Variants in DST observed in about 807,000 individuals in gnomAD.
The protein encoded by DST is dystonin.
DST carries 253 observed loss-of-function variants against 875.2 expected under a neutral mutation model. The ratio of observed to expected loss-of-function variants is 0.29; its 90% confidence interval spans 0.26 to 0.32. The LOEUF (loss-of-function observed/expected upper bound fraction) is 0.32. Ranked by LOEUF, DST falls within the 10% of genes least tolerant of loss-of-function variation. The probability of loss-of-function intolerance (pLI) is 1.00; values close to 1 mark genes in which losing one functional copy is unlikely to be tolerated. For synonymous variants in DST, 3,124 were observed against 3,197.1 expected (o/e 0.98, Z 0.77); for missense variants, 8,287 against 9,111.6 (o/e 0.91, Z 3.68).
At chr6:56,469,260 T>C (rs2094757152) in intron 97 of DST, among the ~76,000 whole-genome samples, 1 of 151,540 alleles carries the variant, frequency 6.6e-6, no homozygotes, top group African/African-American at 2.4e-5. Flanking sequence ...AGTATAAAAA[T>C]AAAAATAATA....
intron 4 of DST, among the ~76,000 whole-genome samples, chr6:56,783,192 T>C (rs1319528873): frequency 2.6e-5 from 4 of 152,226 alleles, no homozygotes; most frequent in Admixed American, 1.3e-4. Flanking sequence ...GAAAAAAATG[T>C]ATATTCTGTT....
chr6:56,525,867 TC>T, intron 69 of DST, among the ~76,000 whole-genome samples: 1 of 152,146 alleles, frequency 6.6e-6, no homozygotes, highest in East Asian at 1.9e-4. Context: ...TATCATCTTT[TC>T]CCCCCTTCTG....
intron 37 of DST, 123 bp from the exon 38 acceptor site, chr6:56,611,719 G>A: frequency 1.5e-6 from 1 of 652,144 alleles, no homozygotes; most frequent in African/African-American, 1.8e-5. Context: ...GGTGACCCAA[G>A]TGAATAACCT....
chr6:56,692,813 G>A, intron 9 of DST: 1 of 1,289,780 alleles, frequency 7.8e-7, no homozygotes, highest in Non-Finnish European at 1.0e-6. Context: ...ACAGCACTCG[G>A]CAGAAGTTTC....
At chr6:56,526,649 T>C (rs2152506309) in intron 68 of DST, 82 bp from the exon 69 acceptor site, 1 of 1,292,928 alleles carries the variant, frequency 7.7e-7, no homozygotes, top group Non-Finnish European at 1.1e-6. Context: ...TCAAGTCCTT[T>C]GCAGGCGAAT....
At chr6:56,743,155 GAACCCTTGTTCTA>G (rs2099553659) in intron 4 of DST, among the ~76,000 whole-genome samples, 1 of 152,034 alleles carries the variant, frequency 6.6e-6, no homozygotes, top group Non-Finnish European at 1.5e-5. Flanking sequence ...CAAGACATAA[GAACCCTTGTTCTA>G]AACAAGCAAA....
At chr6:56,812,110 AAAAGAAAAGAAAAGAAAAGAAAAG>A (rs1341303875) in intron 4 of DST, among the ~76,000 whole-genome samples, 2 of 59,242 alleles carry the variant, frequency 3.4e-5, no homozygotes, top group African/African-American at 1.3e-4. Context: ...TCAAAAAAAA[AAAAGAAAAGAAAAGAAAAGAAAAG>A]AAAAGAAAAG....
intron 74 of DST, among the ~76,000 whole-genome samples, chr6:56,509,035 G>A (rs2096407232): frequency 6.6e-6 from 1 of 152,148 alleles, no homozygotes; most frequent in South Asian, 2.1e-4. Flanking sequence ...AGTTCATTAA[G>A]GCTATCCTTA....
chr6:56,603,769 A>T (rs2098468376), intron 40 of DST, 56 bp from the exon 41 acceptor site: 2 of 1,576,952 alleles, frequency 1.3e-6, no homozygotes, highest in South Asian at 1.2e-5. Flanking sequence ...TGTTTAAAGC[A>T]AATGTATGGG....
In DST at chr6:56,628,091, A is replaced by C; in HGVS notation, c.4546T>G (p.Trp1516Gly). ...YRDTYHPLDD[W>G]IQQVETTQRK... ...TGAGTAGTTTCAACCTGCTGGATCC[A>C]ATCATCTAAAGGATGGTAAGTGTCT... Residue 1516 changes from tryptophan (W) to glycine (G), a missense_variant, in exon 33 of 104, where the codon TGG (tryptophan) becomes GGG (glycine). Trp to Gly is a radical substitution (Grantham distance 184). Coordinates refer to ENST00000680361, the MANE Select transcript of DST (RefSeq NM_001374736.1). 6.2e-7 allele frequency: 1 copy of C among 1,613,774 alleles called. No homozygotes were observed.
chr6:56,879,124 C>T (rs1248836139), intron 3 of DST, among the ~76,000 whole-genome samples: 2 of 152,186 alleles, frequency 1.3e-5, no homozygotes, highest in African/African-American at 2.4e-5. Context: ...CTTCTTCCCA[C>T]CTTCTCAGAC....
chr6:56,871,790 A>AG lies in DST; in HGVS notation c.418-20187_418-20186insC, dbSNP rs1164458610. 2.4e-5 allele frequency: 8 copies of AG among 339,962 alleles called. No homozygotes were observed. The East Asian group carries it at 4.1e-4, about 17-fold the overall frequency. The allele number at this position is 339,962 out of a possible 1,614,324, so 21.1% of individuals were successfully genotyped here. On this transcript the variant is annotated intron_variant, in intron 3 of 103. Coordinates refer to ENST00000680361, the MANE Select transcript of DST (RefSeq NM_001374736.1). ...ACAATTAAAAGTAAAAAAAAAAAAA[A>AG]AAAAAGAAAAAGAAAAGAGGTGTGG...
At chr6:56,702,610 G>A (rs192865918) in intron 7 of DST, among the ~76,000 whole-genome samples, 4 of 152,234 alleles carry the variant, frequency 2.6e-5, no homozygotes, top group African/African-American at 9.6e-5. Flanking sequence ...CTCTATACTC[G>A]TTTTATACTA....
intron 49 of DST, among the ~76,000 whole-genome samples, chr6:56,579,433 C>CCTTG (rs2097924249): frequency 6.6e-6 from 1 of 152,110 alleles, no homozygotes; most frequent in African/African-American, 2.4e-5. Flanking sequence ...ATTCAAAAAG[C>CCTTG]CTTGCTACAT....
intron 4 of DST, among the ~76,000 whole-genome samples, chr6:56,738,736 C>A (rs576446329): frequency 1.3e-5 from 2 of 152,088 alleles, no homozygotes; most frequent in African/African-American, 4.8e-5. Context: ...GATCCTCTCA[C>A]CTCAGCCTCC....
At position 56,592,222 on chromosome 6, in the gene DST, A is replaced by G. The variant is rs2098289659; in HGVS notation, c.12863T>C (p.Val4288Ala). 2.5e-6 allele frequency: 4 copies of G among 1,613,642 alleles called. No homozygotes were observed. The highest frequency in any genetic ancestry group is 3.4e-6 in the Non-Finnish European group (4 of 1,179,794). The stretch of plus-strand genomic sequence containing the variant: ...TTGCCTTTGAAGATTTTTGGGGTCC[A>G]CCGCAATAGGTTCAGATAAGTGTTT... ...ASKHLSEPIA[V>A]DPKNLQRQLE... The change falls in exon 49 of 104, where the codon GTG becomes GCG. Residue 4288 changes from valine to alanine, a missense_variant. Transcript: ENST00000680361.
At chr6:56,675,580 G>A (rs2099124190) in intron 9 of DST, among the ~76,000 whole-genome samples, 1 of 152,222 alleles carries the variant, frequency 6.6e-6, no homozygotes, top group African/African-American at 2.4e-5. Context: ...TTGGCCGGAT[G>A]TGGTGGCTCA....
intron 98 of DST, 109 bp from the exon 99 acceptor site, chr6:56,466,304 G>A: frequency 1.5e-6 from 1 of 647,380 alleles, no homozygotes; most frequent in Non-Finnish European, 2.5e-6. Context: ...TTCTTGCTTA[G>A]TTCATAGCGA....
rs2094927912 is a variant in DST, at chr6:56,472,148, T to C, written c.22069A>G (p.Asn7357Asp). The change falls in exon 94 of 104, where the codon AAC (asparagine) becomes GAC (aspartate). Residue 7357 changes from asparagine to aspartate, a missense_variant. By Grantham distance (23) the Asn-to-Asp change is conservative. Transcript: ENST00000680361. ...TQIETKNPRVNLLVSKWQQVW... is the reference protein window; with the variant it reads ...TQIETKNPRVDLLVSKWQQVW... ...TGCTGCCATTTGCTCACCAGTAAGT[T>C]TACCCTAGGATTTTTGGTTTCAATT... The C allele has an allele frequency of 6.2e-7, 1 of 1,613,932 alleles. No homozygotes were observed. Among genetic ancestry groups the C allele is most frequent in the Non-Finnish European group, 8.5e-7 (1 of 1,179,838 alleles).
Sources: gnomAD v4.1 joint callset for allele counts (sites outside exome capture counted in the v4.1 genomes callset) on GRCh38, gnomAD v4.1.1 for gene constraint, MANE v1.5 for transcripts, NCBI Gene and HGNC (gene_info 2026-07-23, HGNC 2026-07-21) for gene names.